Variants in GEN1 observed in about 807,000 individuals in gnomAD.
The protein encoded by GEN1 is GEN1 structure-specific endonuclease, also known as flap endonuclease GEN homolog 1.
GEN1 carries 64 observed loss-of-function variants against 67.6 expected under a neutral mutation model. The ratio of observed to expected loss-of-function variants is 0.95; its 90% CI spans 0.77 to 1.17. The LOEUF (loss-of-function observed/expected upper bound fraction) is 1.17. Ranked by LOEUF, GEN1 falls within the 50% of genes most tolerant of loss-of-function variation. GEN1 has a pLI of 0.00. For missense variants in GEN1, 1,058 were observed against 1,048.3 expected (o/e 1.01, Z -0.13); for synonymous variants, 371 against 359.4 (o/e 1.03, Z -0.37).
intron 11 of GEN1, among the ~76,000 whole-genome samples, chr2:17,776,767 T>G (rs1424729261): frequency 6.6e-6 from 1 of 152,208 alleles, no homozygotes; most frequent in African/African-American, 2.4e-5. Context: ...TAAAACATTA[T>G]TCATAGGAAA....
chr2:17,760,168 G>A, intron 2 of GEN1, 64 bp downstream of exon 2: 1 of 1,422,548 alleles, frequency 7.0e-7, no homozygotes, highest in Non-Finnish European at 9.5e-7. Context: ...TCTTGATTTT[G>A]TTTCACCTTT....
At chr2:17,771,395 C>T (rs1672183643) in intron 7 of GEN1, 108 bp downstream of exon 7, 4 of 705,916 alleles carry the variant, frequency 5.7e-6, no homozygotes, top group South Asian at 1.6e-5. Flanking sequence ...AAGGGTTTTA[C>T]ATTGTCTTCT....
intron 3 of GEN1, among the ~76,000 whole-genome samples, chr2:17,764,381 GATTA>G (rs567725976): frequency 2.4e-3 from 373 of 152,262 alleles, no homozygotes; most frequent in African/African-American, 7.5e-3. Context: ...ATCTTAATAT[GATTA>G]ATTATTATTT....
At chr2:17,759,617 G>C (rs1378079232) in intron 1 of GEN1, among the ~76,000 whole-genome samples, 1 of 150,928 alleles carries the variant, frequency 6.6e-6, no homozygotes, top group Non-Finnish European at 1.5e-5. Context: ...GTATGATAGA[G>C]AATTAGTCCC....
chr2:17,758,513 A>G (rs1671528297), intron 1 of GEN1, among the ~76,000 whole-genome samples: 1 of 152,228 alleles, frequency 6.6e-6, no homozygotes, highest in Non-Finnish European at 1.5e-5. Flanking sequence ...TTTTCACAGT[A>G]ACTGAATTAA....
At chr2:17,757,093 T>C (rs1420599347) in intron 1 of GEN1, among the ~76,000 whole-genome samples, 1 of 152,196 alleles carries the variant, frequency 6.6e-6, no homozygotes, top group African/African-American at 2.4e-5. Flanking sequence ...GGTTAATCAT[T>C]CTTTAAACCA....
chr2:17,759,953 A>G lies in GEN1; in HGVS notation c.10A>G (p.Asn4Asp). The G allele has an allele frequency of 6.2e-7, 1 of 1,613,966 alleles. No homozygotes were observed. Among genetic ancestry groups the G allele is most frequent in the South Asian group, 1.1e-5 (1 of 91,062 alleles). Reference protein sequence around the residue: MGVNDLWQILEPVK... With the variant: MGVDDLWQILEPVK... Reference sequence around the variant, plus strand: ...GCAGATAATCACCAGAATGGGAGTGAATGACTTGTGGCAAATTTTGGAGCC... The same window carrying G: ...GCAGATAATCACCAGAATGGGAGTGGATGACTTGTGGCAAATTTTGGAGCC... The change falls in exon 2 of 14, where the codon AAT (asparagine) becomes GAT (aspartate). Residue 4 changes from asparagine to aspartate, a missense_variant. Physicochemically the swap from Asn to Asp is conservative, Grantham distance 23. Coordinates refer to ENST00000381254, the MANE Select transcript of GEN1 (RefSeq NM_001130009.3).
intron 5 of GEN1, among the ~76,000 whole-genome samples, chr2:17,768,125 TAAC>T (rs1672015359): frequency 6.6e-6 from 1 of 152,250 alleles, no homozygotes; most frequent in Admixed American, 6.5e-5. Context: ...ACTGGTTAAA[TAAC>T]AGCTCTGCTT....
At position 17,773,094 on chromosome 2, in the gene GEN1, A is replaced by C. The variant is rs749880156; in HGVS notation, c.954-2A>C. Reference sequence around the variant, plus strand: ...ATAACATGTATATAATTTTTTTTTCAGGAAAGCTTGCTGTTGTGAGGGATT... The same window carrying C: ...ATAACATGTATATAATTTTTTTTTCCGGAAAGCTTGCTGTTGTGAGGGATT... On this transcript the variant is annotated splice_acceptor_variant, in intron 8 of 13. Transcript: ENST00000381254. LOFTEE classifies it high-confidence loss of function. 6 of 1,568,880 alleles carry C rather than the reference A, an allele frequency of 3.8e-6. No homozygotes were observed. In the Admixed American group the frequency reaches 5.1e-5, roughly 13 times the overall value.
chr2:17,760,025 G>A lies in GEN1; in HGVS notation c.82G>A (p.Ala28Thr). 1.2e-6 allele frequency: 2 copies of A among 1,614,094 alleles called. No homozygotes were observed. The highest frequency in any genetic ancestry group is 1.1e-5 in the South Asian group (1 of 91,076). The change falls in exon 2 of 14, where the codon GCA (alanine) becomes ACA (threonine). Residue 28 changes from alanine (A) to threonine (T), a missense_variant. Transcript: ENST00000381254. ...PLRNLGGKTI[A>T]VDLSLWVCEA... ...GCGTAATCTTGGTGGGAAAACCATT[G>A]CAGTTGATCTGAGTCTCTGGGTGTG...
intron 6 of GEN1, among the ~76,000 whole-genome samples, chr2:17,770,322 G>A (rs573299738): frequency 3.3e-5 from 5 of 151,604 alleles, no homozygotes; most frequent in African/African-American, 7.3e-5. Flanking sequence ...AATTTTTGCC[G>A]TGCTATTCTT....
At position 17,781,433 on chromosome 2, in the gene GEN1, G is replaced by T; in HGVS notation, c.2221G>T (p.Asp741Tyr). 6.2e-7 allele frequency: 1 copy of T among 1,613,548 alleles called. No homozygotes were observed. Among genetic ancestry groups the T allele is most frequent in the South Asian group, 1.1e-5 (1 of 91,038 alleles). The change falls in exon 14 of 14, where the codon GAC (aspartate) becomes TAC (tyrosine). Residue 741 changes from aspartate to tyrosine, a missense_variant. Coordinates refer to ENST00000381254, the MANE Select transcript of GEN1 (RefSeq NM_001130009.3). The part of the protein sequence containing the change: ...ESRDSKILKG[D>Y]QLLQEDYKVN... ...CAGAGACTCTAAAATTCTAAAAGGA[G>T]ACCAGCTGCTTCAAGAAGACTATAA...
Position 17,774,300 on chromosome 2 carries a change from C to G in GEN1, c.1101C>G (p.Pro367=). 1 of 1,583,330 alleles carries G rather than the reference C, an allele frequency of 6.3e-7. No individual in the cohort carries two copies. Among genetic ancestry groups the G allele is most frequent in the Non-Finnish European group, 8.6e-7 (1 of 1,158,084 alleles). ...TTACTCTTGAAAAAATGGAGTGGCC[C>G]AATCACTATGCATGTGAGAAATTGC... The part of the protein sequence containing the change: ...QRFTLEKMEW[P]NHYACEKLLV... The change falls in exon 11 of 14, where the codon CCC becomes CCG. Residue 367 remains proline (P), a synonymous_variant. Transcript: ENST00000381254.
intron 12 of GEN1, among the ~76,000 whole-genome samples, chr2:17,778,782 T>A (rs1282274317): frequency 6.6e-6 from 1 of 152,202 alleles, no homozygotes; most frequent in Admixed American, 6.5e-5. Context: ...CTTTCCTTTT[T>A]TTTTTTAACC....
chr2:17,760,211 T>G (rs1671610043), intron 2 of GEN1, 107 bp downstream of exon 2: 2 of 1,116,362 alleles, frequency 1.8e-6, no homozygotes, highest in Non-Finnish European at 2.5e-6. Context: ...TCTTTTACAT[T>G]TTGAGGTTTT....
intron 5 of GEN1, among the ~76,000 whole-genome samples, chr2:17,767,205 G>A (rs768247259): frequency 9.9e-5 from 15 of 152,156 alleles, no homozygotes; most frequent in Non-Finnish European, 1.9e-4. Context: ...GCACAATCTA[G>A]TGCTCTGTAA....
Position 17,780,571 on chromosome 2 carries a change from T to G in GEN1, c.1409-50T>G. ...TTTATTTTTTTATTTTTTACCCAAG[T>G]TAAAGCAAAGAAAATAAATGTTGAT... is the stretch of plus-strand genomic sequence containing the variant. On this transcript the variant is annotated intron_variant, in intron 13 of 13. Coordinates refer to ENST00000381254, the MANE Select transcript of GEN1 (RefSeq NM_001130009.3). 4 of 1,248,344 alleles carry G rather than the reference T, an allele frequency of 3.2e-6. No individual in the cohort carries two copies. The South Asian group carries it at 6.1e-5, about 19-fold the overall frequency. 77.3% of individuals were successfully genotyped at this position (1,248,344 alleles called of 1,614,324 possible).
intron 7 of GEN1, 55 bp downstream of exon 7, chr2:17,771,342 G>C (rs1034105903): frequency 4.9e-6 from 5 of 1,018,082 alleles, no homozygotes; most frequent in Non-Finnish European, 7.8e-6. Context: ...TTTAATTCTT[G>C]TTCACATAGT....
chr2:17,769,011 C>A (rs993355072), intron 6 of GEN1, among the ~76,000 whole-genome samples, 200 bp downstream of exon 6: 1 of 151,752 alleles, frequency 6.6e-6, no homozygotes, highest in Admixed American at 6.6e-5. Flanking sequence ...TGTTCCAAGC[C>A]GTATTGCATT....
Sources: allele counts gnomAD v4.1 joint callset (sites outside exome capture counted in the v4.1 genomes callset), GRCh38; gene constraint gnomAD v4.1.1; transcripts MANE v1.5; gene names NCBI Gene and HGNC (gene_info 2026-07-23, HGNC 2026-07-21).